Variants in ANXA10 observed in about 807,000 individuals in gnomAD.
ANXA10 encodes annexin A10.
In ANXA10, 49 loss-of-function variants were observed where a neutral mutation model predicts 53.5. The observed-to-expected ratio is 0.92, with a 90% CI of 0.73 to 1.16. The LOEUF is 1.16. ANXA10 is among the 50% of genes most tolerant of loss of function. The pLI is 0.00. For missense variants in ANXA10, 393 were observed against 394.4 expected (o/e 1.00, Z 0.03); for synonymous variants, 131 against 128.9 (o/e 1.02, Z -0.11).
intron 6 of ANXA10, among the ~76,000 whole-genome samples, chr4:168,169,975 A>G (rs150723280): frequency 1.1e-4 from 16 of 152,330 alleles, no homozygotes; most frequent in African/African-American, 3.6e-4. Context: ...AGGGAAAATA[A>G]ATCACAAGTG....
intron 2 of ANXA10, among the ~76,000 whole-genome samples, chr4:168,138,615 C>T (rs762264608): frequency 7.9e-5 from 12 of 152,070 alleles, no homozygotes; most frequent in East Asian, 1.9e-4. Context: ...GATTGTTTGT[C>T]ATAATTCTAG....
At chr4:168,122,666 G>C (rs1579209701) in intron 1 of ANXA10, among the ~76,000 whole-genome samples, 1 of 152,184 alleles carries the variant, frequency 6.6e-6, no homozygotes, top group East Asian at 1.9e-4. Flanking sequence ...AGGTGAAGCA[G>C]GAGGTTGCCC....
At chr4:168,107,860 T>TG (rs1222354548) in intron 1 of ANXA10, among the ~76,000 whole-genome samples, 1 of 152,098 alleles carries the variant, frequency 6.6e-6, no homozygotes, top group Non-Finnish European at 1.5e-5. Context: ...ACCATTATAT[T>TG]GGGGGGTAGG....
At chr4:168,184,809 GT>G (rs1173267686) in intron 11 of ANXA10, 128 bp downstream of exon 11, 5 of 1,256,350 alleles carry the variant, frequency 4.0e-6, no homozygotes, top group African/African-American at 1.5e-5. Context: ...GGATAACCTA[GT>G]TTTTTTCCTC....
At chr4:168,159,161 C>T (rs963760309) in intron 3 of ANXA10, among the ~76,000 whole-genome samples, 1 of 152,182 alleles carries the variant, frequency 6.6e-6, no homozygotes, top group Non-Finnish European at 1.5e-5. Flanking sequence ...CATCATATAG[C>T]TTTCCTCCTT....
chr4:168,116,569 C>T (rs2149467395), intron 1 of ANXA10, among the ~76,000 whole-genome samples: 1 of 152,020 alleles, frequency 6.6e-6, no homozygotes, highest in African/African-American at 2.4e-5. Flanking sequence ...CTCCCCCACC[C>T]CCCAAAAAAT....
intron 1 of ANXA10, among the ~76,000 whole-genome samples, chr4:168,122,087 C>A (rs1379670480): frequency 6.6e-6 from 1 of 152,150 alleles, no homozygotes; most frequent in Non-Finnish European, 1.5e-5. Context: ...GTGATCCACC[C>A]ACCTCGCCTC....
In ANXA10 at chr4:168,179,317, G is replaced by A. The variant is rs1175649949; in HGVS notation, c.724+5G>A. ...AGGAGCTGCTGGTTGCAATTGGTAA[G>A]TAATAAATTATTTGAAGCACAACAG... On this transcript the variant is annotated splice_donor_5th_base_variant and intron_variant, in intron 9 of 11. Transcript: ENST00000359299. 23 of 1,585,728 alleles carry A rather than the reference G, an allele frequency of 1.5e-5. No individual in the cohort carries two copies. Among genetic ancestry groups the A allele is most frequent in the Non-Finnish European group, 2.0e-5 (23 of 1,156,972 alleles).
intron 3 of ANXA10, among the ~76,000 whole-genome samples, chr4:168,156,384 A>AT (rs1301583447): frequency 5.9e-5 from 1 of 16,840 alleles, no homozygotes; most frequent in Non-Finnish European, 1.3e-4. Flanking sequence ...AATATAATTA[A>AT]TATATATTAT....
intron 6 of ANXA10, among the ~76,000 whole-genome samples, chr4:168,168,857 T>A (rs755315708): frequency 5.9e-5 from 9 of 152,200 alleles, no homozygotes; most frequent in Non-Finnish European, 1.0e-4. Context: ...CCAAATAGAA[T>A]TTCTAAAAGG....
chr4:168,096,603 C>A (rs1730544735), intron 1 of ANXA10, among the ~76,000 whole-genome samples: 1 of 151,942 alleles, frequency 6.6e-6, no homozygotes, highest in Admixed American at 6.6e-5. Context: ...TAAATCTAGC[C>A]TTTCTGCATA....
intron 1 of ANXA10, among the ~76,000 whole-genome samples, chr4:168,100,504 T>C (rs768909054): frequency 3.3e-5 from 5 of 152,096 alleles, no homozygotes; most frequent in Non-Finnish European, 5.9e-5. Flanking sequence ...CATCTTTAGC[T>C]CTAAGTTCTC....
intron 1 of ANXA10, among the ~76,000 whole-genome samples, chr4:168,114,496 G>A (rs1730859354): frequency 6.6e-6 from 1 of 152,180 alleles, no homozygotes; most frequent in South Asian, 2.1e-4. Flanking sequence ...CACATGTATA[G>A]TGTCCCCTCT....
intron 1 of ANXA10, among the ~76,000 whole-genome samples, chr4:168,094,326 A>G (rs1192186772): frequency 6.6e-6 from 1 of 152,138 alleles, no homozygotes; most frequent in African/African-American, 2.4e-5. Flanking sequence ...TTGATTAGCT[A>G]TTTTAGAGAT....
At chr4:168,172,578 G>A (rs1356634567) in intron 6 of ANXA10, among the ~76,000 whole-genome samples, 1 of 152,126 alleles carries the variant, frequency 6.6e-6, no homozygotes, top group East Asian at 1.9e-4. Context: ...CATGATTTTA[G>A]ATAATTGGGA....
intron 1 of ANXA10, among the ~76,000 whole-genome samples, chr4:168,098,073 G>T (rs924329100): frequency 8.6e-5 from 13 of 150,918 alleles, no homozygotes; most frequent in African/African-American, 3.2e-4. Flanking sequence ...AATACAGTGT[G>T]CCCATTTAAA....
intron 1 of ANXA10, among the ~76,000 whole-genome samples, chr4:168,116,536 A>G (rs1222888874): frequency 6.6e-6 from 1 of 152,210 alleles, no homozygotes; most frequent in Non-Finnish European, 1.5e-5. Context: ...TAACTAAATA[A>G]AAGAATGAGT....
intron 3 of ANXA10, among the ~76,000 whole-genome samples, chr4:168,146,065 C>T (rs1031754790): frequency 9.9e-5 from 15 of 152,076 alleles, no homozygotes; most frequent in East Asian, 1.9e-4. Context: ...CATGCCACCA[C>T]GCCCAGCTAA....
chr4:168,099,217 C>T (rs1353363778), intron 1 of ANXA10, among the ~76,000 whole-genome samples: 2 of 152,084 alleles, frequency 1.3e-5, no homozygotes, highest in Admixed American at 1.3e-4. Flanking sequence ...CAGTAGTAAA[C>T]TTCTTGAATT....
Sources: allele counts gnomAD v4.1 joint callset (sites outside exome capture counted in the v4.1 genomes callset), GRCh38; gene constraint gnomAD v4.1.1; transcripts MANE v1.5; gene names NCBI Gene and HGNC (gene_info 2026-07-23, HGNC 2026-07-21).